SNX25: variants seen among roughly 807,000 people sequenced by gnomAD.
SNX25 encodes sorting nexin-25.
In SNX25, 62 loss-of-function variants were observed where a neutral mutation model predicts 113.7. The ratio of observed to expected loss-of-function variants is 0.55; its 90% CI spans 0.44 to 0.67. SNX25 has a LOEUF of 0.67. Ranked by LOEUF, SNX25 falls within the 30% of genes least tolerant of loss-of-function variation. The pLI, the probability that SNX25 is intolerant of heterozygous loss-of-function variation, is 0.00. For synonymous variants in SNX25, 421 were observed against 436.2 expected, an observed-to-expected ratio of 0.97 and a Z score of 0.43; for missense variants, 1,014 against 1,161.0, an observed-to-expected ratio of 0.87 and a Z score of 1.84.
At chr4:185,378,280 C>A in the SNX25 span, 1 of 1,546,300 alleles carries the variant, frequency 6.5e-7, no homozygotes. Flanking sequence ...ACTCTATTCC[C>A]ACCAGGTGCT....
chr4:185,315,121 A>G lies in SNX25; in HGVS notation c.1344+4305A>G, dbSNP rs189684835. Among the ~76,000 whole-genome samples the G allele has an allele frequency of 6.1e-3, 903 of 146,886 alleles. 12 individuals are homozygous for G. The highest frequency in any genetic ancestry group is 0.021 in the African/African-American group (843 of 40,008). The stretch of plus-strand genomic sequence containing the variant: ...TGGGCGCCTGTAGTCCCAGCTACTC[A>G]GGAGGCTGAGGCAGGAGAAGGGCGT... On this transcript the variant is annotated intron_variant, in intron 7 of 18. Coordinates refer to ENST00000652585, the MANE Select transcript of SNX25 (RefSeq NM_001378034.2).
At chr4:185,215,298 C>T (rs1738635896) in intron 1 of SNX25, among the ~76,000 whole-genome samples, 1 of 152,108 alleles carries the variant, frequency 6.6e-6, no homozygotes. Flanking sequence ...GGGTAGGATT[C>T]CAAGATGCAC....
At chr4:185,242,517 A>G (rs1260881352) in intron 1 of SNX25, among the ~76,000 whole-genome samples, 2 of 152,196 alleles carry the variant, frequency 1.3e-5, no homozygotes, top group Admixed American at 1.3e-4. Flanking sequence ...GCTTACTTAC[A>G]TTTACTGGTT....
chr4:185,371,283 T>G (rs546055975), downstream of SNX25, among the ~76,000 whole-genome samples: 21 of 152,250 alleles, frequency 1.4e-4, no homozygotes, highest in African/African-American at 4.6e-4. Context: ...CTCACGCCTG[T>G]AATCCCAGCA....
chr4:185,249,917 C>T (rs1745400997), intron 2 of SNX25, among the ~76,000 whole-genome samples: 1 of 152,008 alleles, frequency 6.6e-6, no homozygotes, highest in Non-Finnish European at 1.5e-5. Flanking sequence ...TATGCTAATT[C>T]CAACATCCGG....
downstream of SNX25, among the ~76,000 whole-genome samples, chr4:185,372,143 G>A (rs1579977294): frequency 6.6e-6 from 1 of 152,298 alleles, no homozygotes; most frequent in Middle Eastern, 3.4e-3. Flanking sequence ...TTTCAGTGGT[G>A]CAGTTATAGA....
At position 185,276,763 on chromosome 4, in the gene SNX25, C is replaced by G. The variant is rs147262377; in HGVS notation, c.1091+9608C>G. On this transcript the variant is annotated intron_variant, in intron 5 of 18. Coordinates refer to ENST00000652585, the MANE Select transcript of SNX25 (RefSeq NM_001378034.2). ...ACCAGAATAAGCCTCCTTGACCATG[C>G]TTTCCCCGCCGCCCTGTCTCCCTGG... 7.5e-3 allele frequency among the ~76,000 whole-genome samples: 1,150 copies of G among 152,340 alleles called. 40 individuals carry two copies. Among genetic ancestry groups the G allele is most frequent in the Admixed American group, 0.062 (946 of 15,304 alleles).
chr4:185,377,076 A>C, the SNX25 span: 5 of 1,200,624 alleles, frequency 4.2e-6, no homozygotes, highest in Non-Finnish European at 4.9e-6. Flanking sequence ...TTCTCTCTTG[A>C]AGTAATGAAT....
intron 15 of SNX25, among the ~76,000 whole-genome samples, chr4:185,357,154 C>T (rs552839982): frequency 6.6e-6 from 1 of 152,294 alleles, no homozygotes; most frequent in African/African-American, 2.4e-5. Flanking sequence ...GCCTCTTCAC[C>T]ATTCACTTAT....
intron 1 of SNX25, among the ~76,000 whole-genome samples, chr4:185,230,733 G>T (rs552560547): frequency 3.1e-4 from 47 of 152,160 alleles, no homozygotes; most frequent in African/African-American, 1.0e-3. Flanking sequence ...GGACCAGTTC[G>T]CAGTGTTTCC....
chr4:185,312,615 C>T (rs192898601), intron 7 of SNX25, among the ~76,000 whole-genome samples: 51 of 152,090 alleles, frequency 3.4e-4, no homozygotes, highest in African/African-American at 1.1e-3. Context: ...CTCCACCTCC[C>T]GGGTTCAGGC....
intron 10 of SNX25, among the ~76,000 whole-genome samples, chr4:185,333,072 A>C (rs562906179): frequency 6.6e-6 from 1 of 152,366 alleles, no homozygotes; most frequent in East Asian, 1.9e-4. Context: ...TAAATACTCA[A>C]GGACAATCTT....
chr4:185,260,624 A>G (rs1357946375), intron 3 of SNX25, among the ~76,000 whole-genome samples: 1 of 152,268 alleles, frequency 6.6e-6, no homozygotes, highest in Non-Finnish European at 1.5e-5. Flanking sequence ...GCAAGAGTAC[A>G]CAGGACACTT....
At chr4:185,213,932 T>C (rs1738345760) in intron 1 of SNX25, among the ~76,000 whole-genome samples, 1 of 151,742 alleles carries the variant, frequency 6.6e-6, no homozygotes, top group Admixed American at 6.6e-5. Flanking sequence ...TGTGGTTTAC[T>C]AGATCCTTTT....
intron 1 of SNX25, among the ~76,000 whole-genome samples, chr4:185,246,793 A>G (rs549214082): frequency 5.9e-5 from 9 of 152,308 alleles, no homozygotes; most frequent in African/African-American, 1.7e-4. Context: ...CCAAGATTAT[A>G]AAAAGCTGCT....
chr4:185,359,865 A>T (rs1169699483), intron 16 of SNX25, among the ~76,000 whole-genome samples: 2 of 152,196 alleles, frequency 1.3e-5, no homozygotes, highest in African/African-American at 4.8e-5. Context: ...TTTCACAGGG[A>T]TGGAGAAGAG....
At chr4:185,295,912 A>G (rs1752776984) in intron 6 of SNX25, 1 of 152,212 alleles carries the variant, frequency 6.6e-6, no homozygotes, top group African/African-American at 2.4e-5. Context: ...GTCTCGCTCC[A>G]TTCCTGCTGC....
At chr4:185,338,338 C>T (rs959480192) in intron 10 of SNX25, among the ~76,000 whole-genome samples, 19 of 150,494 alleles carry the variant, frequency 1.3e-4, no homozygotes, top group Non-Finnish European at 1.9e-4. Flanking sequence ...TGAAGTGGCA[C>T]GATCTCGGCT....
At chr4:185,339,187 A>G (rs1720155898) in intron 10 of SNX25, among the ~76,000 whole-genome samples, 192 bp from the exon 11 acceptor site, 1 of 152,040 alleles carries the variant, frequency 6.6e-6, no homozygotes, top group African/African-American at 2.4e-5. Flanking sequence ...TTCCTTGTTT[A>G]CATTAATCCC....
Sources: allele counts gnomAD v4.1 joint callset (sites outside exome capture counted in the v4.1 genomes callset), GRCh38; gene constraint gnomAD v4.1.1; transcripts MANE v1.5; gene names NCBI Gene and HGNC (gene_info 2026-07-23, HGNC 2026-07-21).